Variants in SBF2 observed in about 807,000 individuals in gnomAD.
SBF2 encodes SET binding factor 2.
A neutral mutation model predicts 225.2 loss-of-function variants in SBF2; 112 were observed. That is an observed-to-expected ratio of 0.50 (90% CI 0.43 to 0.58). The LOEUF is 0.58. Among genes scored for constraint, SBF2 ranks in the 20% least tolerant of loss-of-function variants. The pLI is 0.00. For synonymous variants in SBF2, 763 were observed against 773.3 expected, an observed-to-expected ratio of 0.99 and a Z score of 0.22; for missense variants, 1,996 against 2,206.2, an observed-to-expected ratio of 0.90 and a Z score of 1.91.
At chr11:10,143,030 C>T (rs1251704685) in intron 2 of SBF2, among the ~76,000 whole-genome samples, 1 of 152,194 alleles carries the variant, frequency 6.6e-6, no homozygotes, top group Non-Finnish European at 1.5e-5. Context: ...ATCTCTGCTA[C>T]AAAGCTAACA....
intron 26 of SBF2, among the ~76,000 whole-genome samples, chr11:9,833,719 T>C (rs758040093): frequency 6.7e-6 from 1 of 148,804 alleles, no homozygotes; most frequent in Non-Finnish European, 1.5e-5. Context: ...CGTGCCCAGC[T>C]GGTGATTTAT....
rs144595675 is a variant in SBF2 at position 9,786,901 on chromosome 11, A to G, written c.5037+733T>C. ...GTATTTGGTTTTAAAATATATATAT[A>G]CATTTTTTTGAGACGGAGTCTTGTT... On this transcript the variant is annotated intron_variant, in intron 36 of 39. Coordinates refer to ENST00000256190, the MANE Select transcript of SBF2 (RefSeq NM_030962.4). Among the ~76,000 whole-genome samples, 316 of 152,160 alleles carry G rather than the reference A, an allele frequency of 2.1e-3. 2 individuals carry two copies. The highest frequency in any genetic ancestry group is 7.4e-3 in the African/African-American group (305 of 41,450).
rs984636202 is a variant in SBF2 at position 9,858,528 on chromosome 11, C to T, written c.1930-132G>A. On this transcript the variant is annotated intron_variant, in intron 17 of 39. Transcript: ENST00000256190. ...AAAGAATATCGTATGGTAGTACAGG[C>T]TTAGCAATCAGCAACTTACTCCTTT... is the stretch of plus-strand genomic sequence containing the variant. 3 of 914,696 alleles carry T rather than the reference C, an allele frequency of 3.3e-6. No homozygotes were observed. In the African/African-American group the frequency reaches 5.0e-5, roughly 15 times the overall value. 56.7% of individuals were successfully genotyped at this position (914,696 alleles called of 1,614,324 possible).
intron 2 of SBF2, among the ~76,000 whole-genome samples, chr11:10,069,551 G>C (rs942134270): frequency 5.9e-5 from 9 of 152,052 alleles, no homozygotes; most frequent in Non-Finnish European, 8.8e-5. Context: ...TCTTTATCCA[G>C]TCTATCATTG....
chr11:9,990,001 G>A (rs911325141), intron 12 of SBF2, among the ~76,000 whole-genome samples: 1 of 152,040 alleles, frequency 6.6e-6, no homozygotes, highest in African/African-American at 2.4e-5. Context: ...GTGTGATCTG[G>A]GACAAGGCAC....
intron 32 of SBF2, among the ~76,000 whole-genome samples, chr11:9,798,807 C>T (rs187613097): frequency 1.3e-5 from 2 of 152,130 alleles, no homozygotes; most frequent in East Asian, 3.9e-4. Context: ...AAAATTTTAG[C>T]TGGGCGTGGT....
chr11:10,267,487 T>C (rs1262407742), intron 1 of SBF2, among the ~76,000 whole-genome samples: 3 of 151,784 alleles, frequency 2.0e-5, no homozygotes, highest in Non-Finnish European at 4.4e-5. Context: ...CACTTTGAAG[T>C]GAAGGTGAGA....
At chr11:10,017,699 T>C (rs1182924971) in intron 6 of SBF2, among the ~76,000 whole-genome samples, 1 of 152,144 alleles carries the variant, frequency 6.6e-6, no homozygotes, top group Non-Finnish European at 1.5e-5. Flanking sequence ...TTAGTCCTTA[T>C]GAACACAGAC....
At chr11:10,222,815 G>C (rs190113891) in intron 1 of SBF2, among the ~76,000 whole-genome samples, 1 of 152,268 alleles carries the variant, frequency 6.6e-6, no homozygotes, top group East Asian at 1.9e-4. Context: ...CGATGACCCT[G>C]AGCAGCAGGA....
intron 17 of SBF2, among the ~76,000 whole-genome samples, chr11:9,870,001 G>T (rs150990186): frequency 6.6e-6 from 1 of 152,120 alleles, no homozygotes; most frequent in East Asian, 1.9e-4. Flanking sequence ...CAACTTCAGC[G>T]AAGTCTCAGC....
intron 1 of SBF2, among the ~76,000 whole-genome samples, chr11:10,213,047 CA>C (rs150317274): frequency 0.12 from 15,738 of 133,900 alleles, 917 homozygotes; most frequent in Non-Finnish European, 0.12. Flanking sequence ...GACTCTGTCT[CA>C]AAAAAAAAAA....
intron 2 of SBF2, among the ~76,000 whole-genome samples, chr11:10,127,567 A>G (rs1268905623): frequency 3.3e-5 from 5 of 152,020 alleles, no homozygotes; most frequent in South Asian, 2.1e-4. Flanking sequence ...CAATAATTCT[A>G]CTTGATGGTT....
Position 10,001,118 on chromosome 11 carries a change from G to A in SBF2, c.753-96C>T, listed in dbSNP as rs1206050329. 8.6e-6 allele frequency: 6 copies of A among 694,738 alleles called. No individual in the cohort carries two copies. In the East Asian group the frequency reaches 1.4e-4, roughly 16 times the overall value. 43.0% of individuals were successfully genotyped at this position (694,738 alleles called of 1,614,324 possible). On this transcript the variant is annotated intron_variant, in intron 7 of 39. Transcript: ENST00000256190. ...CTGTGTTAAGTTTTATATTACCTAT[G>A]TTTAGAAATTATCAATAATGTTTTC... is the stretch of plus-strand genomic sequence containing the variant.
At chr11:10,006,287 T>A (rs1213979393) in intron 6 of SBF2, among the ~76,000 whole-genome samples, 1 of 152,230 alleles carries the variant, frequency 6.6e-6, no homozygotes, top group African/African-American at 2.4e-5. Flanking sequence ...TGTGGCTATC[T>A]AGAGACTTAA....
intron 2 of SBF2, among the ~76,000 whole-genome samples, chr11:10,187,462 A>AG (rs549768726): frequency 1.3e-5 from 2 of 152,174 alleles, no homozygotes; most frequent in Non-Finnish European, 2.9e-5. Context: ...GCCTGGTAGC[A>AG]GGGGGACCCC....
intron 6 of SBF2, among the ~76,000 whole-genome samples, chr11:10,008,374 T>C (rs902427024): frequency 2.0e-5 from 3 of 152,100 alleles, no homozygotes; most frequent in African/African-American, 7.2e-5. Flanking sequence ...CAGCCCCAGA[T>C]ATTCAGAGGA....
chr11:10,201,450 T>C (rs1225610486), intron 1 of SBF2, among the ~76,000 whole-genome samples: 1 of 152,244 alleles, frequency 6.6e-6, no homozygotes, highest in African/African-American at 2.4e-5. Flanking sequence ...GCTCATTCAC[T>C]GAAAAGAAAG....
intron 1 of SBF2, among the ~76,000 whole-genome samples, chr11:10,262,627 A>C (rs911650235): frequency 1.3e-5 from 2 of 152,182 alleles, no homozygotes; most frequent in African/African-American, 4.8e-5. Context: ...TGTATGTATA[A>C]ATTATTTTAT....
rs577921799 is a variant in SBF2, at chr11:9,829,274, A to C, written c.3793+82T>G. 735 of 1,474,080 alleles carry C rather than the reference A, an allele frequency of 5.0e-4. 11 individuals carry two copies. The Middle Eastern group carries it at 5.9e-3, about 12-fold the overall frequency. The allele number at this position is 1,474,080 out of a possible 1,614,324, so 91.3% of individuals were successfully genotyped here. ...TTGGTGAAGGAACAGTACAAATAAC[A>C]AATAACAGTACAAATAACCCTAGGA... On this transcript the variant is annotated intron_variant, in intron 28 of 39. Transcript: ENST00000256190.
Sources: allele counts gnomAD v4.1 joint callset (sites outside exome capture counted in the v4.1 genomes callset), GRCh38; gene constraint gnomAD v4.1.1; transcripts MANE v1.5; gene names NCBI Gene and HGNC (gene_info 2026-07-23, HGNC 2026-07-21).